ITGAD: variants seen among roughly 807,000 people sequenced by gnomAD.
ITGAD encodes integrin alpha-D.
Under a neutral mutation model 139.0 loss-of-function variants are expected in ITGAD, and 105 were observed. The observed-to-expected ratio is 0.76, with a 90% CI of 0.65 to 0.89. ITGAD has a LOEUF of 0.89. ITGAD is among the 40% of genes least tolerant of loss of function. The pLI is 0.00. For synonymous variants in ITGAD, 569 were observed against 598.3 expected, an observed-to-expected ratio of 0.95 and a Z score of 0.71; for missense variants, 1,384 against 1,487.3, an observed-to-expected ratio of 0.93 and a Z score of 1.14.
chr16:31,424,341 C>T (rs929679046), intron 28 of ITGAD, 126 bp from the exon 29 acceptor site: 16 of 1,254,466 alleles, frequency 1.3e-5, no homozygotes, highest in Middle Eastern at 1.9e-4. Context: ...CCTAAGGGCA[C>T]GGGTGCTACT....
chr16:31,402,687 TG>T (rs1250211062), intron 6 of ITGAD: 1 of 155,276 alleles, frequency 6.4e-6, no homozygotes, highest in Non-Finnish European at 1.4e-5. Flanking sequence ...ACTGCAGACT[TG>T]ATCTCCCAGG....
chr16:31,418,005 C>T, intron 20 of ITGAD, 70 bp from the exon 21 acceptor site: 1 of 1,176,416 alleles, frequency 8.5e-7, no homozygotes, highest in South Asian at 1.2e-5. Context: ...CTCTGCAGTG[C>T]CACCACTGCT....
At chr16:31,397,032 T>C (rs1365736076) in intron 2 of ITGAD, among the ~76,000 whole-genome samples, 2 of 151,610 alleles carry the variant, frequency 1.3e-5, no homozygotes, top group Non-Finnish European at 2.9e-5. Flanking sequence ...TTACCCATGA[T>C]TGGGAAATGC....
At position 31,403,972 on chromosome 16, in the gene ITGAD, C is replaced by T. The variant is rs2081474300; in HGVS notation, c.704+327C>T. On this transcript the variant is annotated intron_variant, in intron 7 of 29. Coordinates refer to ENST00000389202, the MANE Select transcript of ITGAD (RefSeq NM_005353.3). This position sits in a 1 kb window ranked among gnomAD's most constrained non-coding sequence, Gnocchi z 4.4. ...ACATCAGGCTCCCATCCTGGCTCCCCGTGAGCTACTCTGGGTGTAACCCTG... is the reference window on the plus strand; with the variant it reads ...ACATCAGGCTCCCATCCTGGCTCCCTGTGAGCTACTCTGGGTGTAACCCTG... The T allele has an allele frequency of 5.7e-6, 2 of 348,720 alleles. No individual in the cohort carries two copies. The highest frequency in any genetic ancestry group is 6.0e-5 in the East Asian group (1 of 16,546). 21.6% of individuals were successfully genotyped at this position (348,720 alleles called of 1,614,324 possible). A position where few individuals can be genotyped will look rare whatever the true frequency, so the allele number is the denominator to read the frequency against.
At chr16:31,410,695 G>A in intron 11 of ITGAD, 41 bp from the exon 12 acceptor site, 2 of 1,591,606 alleles carry the variant, frequency 1.3e-6, no homozygotes, top group Non-Finnish European at 1.7e-6. Context: ...GTTCTGGGGA[G>A]GGGGAATGGG....
chr16:31,415,200 G>A (rs1253431528), intron 18 of ITGAD, among the ~76,000 whole-genome samples: 1 of 151,988 alleles, frequency 6.6e-6, no homozygotes, highest in Non-Finnish European at 1.5e-5. Flanking sequence ...CCCAGCTGCT[G>A]CCTTCCCCCA....
At chr16:31,414,369 T>G (rs2081825383) in intron 16 of ITGAD, 82 bp from the exon 17 acceptor site, 3 of 1,464,414 alleles carry the variant, frequency 2.0e-6, no homozygotes, top group African/African-American at 1.4e-5. Context: ...CCAGCAAACA[T>G]GTATTGCATG....
intron 11 of ITGAD, 88 bp from the exon 12 acceptor site, chr16:31,410,648 G>C: frequency 6.9e-7 from 1 of 1,454,616 alleles, no homozygotes. Context: ...CTGGGGAGGG[G>C]AGATGGGGGC....
chr16:31,412,552 C>G (rs549252167), intron 14 of ITGAD, among the ~76,000 whole-genome samples: 3 of 152,142 alleles, frequency 2.0e-5, no homozygotes, highest in African/African-American at 7.2e-5. Flanking sequence ...TTGCCCACGG[C>G]CTCGTGGCTC....
chr16:31,410,416 G>T lies in ITGAD; in HGVS notation c.1105G>T (p.Val369Leu), dbSNP rs2081657440. ...LTMDGLFLGA[V>L]GSFSWSGGAF... ...CCAGGATGGCCTCTTCCTGGGGGCT[G>T]TGGGGAGCTTTAGCTGGTCTGGAGG... is the stretch of plus-strand genomic sequence containing the variant. Residue 369 changes from valine to leucine, a missense_variant, in exon 11 of 30, where the codon GTG (valine) becomes TTG (leucine). Transcript: ENST00000389202. 1 of 1,613,922 alleles carries T rather than the reference G, an allele frequency of 6.2e-7. No individual in the cohort carries two copies. The highest frequency in any genetic ancestry group is 1.3e-5 in the African/African-American group (1 of 74,890).
intron 7 of ITGAD, among the ~76,000 whole-genome samples, 172 bp from the exon 8 acceptor site, chr16:31,407,343 G>A (rs1377649401): frequency 2.6e-5 from 4 of 152,142 alleles, no homozygotes; most frequent in South Asian, 2.1e-4. Context: ...GCATCAGAGC[G>A]AGACTCTGTC....
At chr16:31,413,388 T>G in intron 16 of ITGAD, 142 bp downstream of exon 16, 3 of 870,764 alleles carry the variant, frequency 3.4e-6, no homozygotes, top group Non-Finnish European at 5.2e-6. Flanking sequence ...GCTCATTCTC[T>G]CCCCTCTTCC....
intron 2 of ITGAD, among the ~76,000 whole-genome samples, chr16:31,395,314 C>T (rs147147586): frequency 1.3e-5 from 2 of 150,736 alleles, no homozygotes; most frequent in African/African-American, 4.9e-5. Context: ...AGTGAGACTC[C>T]GTCAAAAAAA....
chr16:31,393,442 C>T (rs769139065), intron 1 of ITGAD, 51 bp downstream of exon 1: 14 of 1,603,862 alleles, frequency 8.7e-6, no homozygotes, highest in Non-Finnish European at 1.2e-5. Context: ...TCTGAGGGGA[C>T]TCCATCTGGG....
At chr16:31,416,475 G>A (rs576038988) in intron 19 of ITGAD, 30 bp from the exon 20 acceptor site, 32 of 1,595,150 alleles carry the variant, frequency 2.0e-5, no homozygotes, top group Admixed American at 1.9e-4. Context: ...CCAGTGGAGC[G>A]CCACTCCCAG....
At chr16:31,416,763 T>TCACA in intron 20 of ITGAD, 117 bp downstream of exon 20, 1 of 683,226 alleles carries the variant, frequency 1.5e-6, no homozygotes, top group East Asian at 3.2e-5. Flanking sequence ...TCTCTCTCTC[T>TCACA]CACACACACA....
At chr16:31,393,840 A>C (rs2081197436) in intron 1 of ITGAD, among the ~76,000 whole-genome samples, 1 of 152,132 alleles carries the variant, frequency 6.6e-6, no homozygotes, top group Admixed American at 6.6e-5. Context: ...GCCATCAAAA[A>C]TCAGGCTTGG....
rs76381707 is a variant in ITGAD, at chr16:31,413,356, C to T, written c.1996+110C>T. The stretch of plus-strand genomic sequence containing the variant: ...ATCCAATCTTACCTCCACATTCACT[C>T]ACCACCTGTGCCAGAAACCTGGCTC... On this transcript the variant is annotated intron_variant, in intron 16 of 29. Transcript: ENST00000389202. The T allele has an allele frequency of 4.3e-3, 5,014 of 1,179,198 alleles. 157 individuals are homozygous for T. The African/African-American group carries it at 0.069, about 16-fold the overall frequency. The allele number at this position is 1,179,198 out of a possible 1,614,324, so 73.0% of individuals were successfully genotyped here.
chr16:31,395,866 G>C (rs2081252865), intron 2 of ITGAD, among the ~76,000 whole-genome samples: 1 of 152,070 alleles, frequency 6.6e-6, no homozygotes, highest in Non-Finnish European at 1.5e-5. Context: ...AGGTCACCGA[G>C]CTCCAACCGC....
Sources: allele counts gnomAD v4.1 joint callset (sites outside exome capture counted in the v4.1 genomes callset), GRCh38; gene constraint gnomAD v4.1.1; non-coding constraint Gnocchi (gnomAD v3.1); transcripts MANE v1.5; gene names NCBI Gene and HGNC (gene_info 2026-07-23, HGNC 2026-07-21).